KLF12: variants seen among roughly 807,000 people sequenced by gnomAD.
The protein encoded by KLF12 is Krueppel-like factor 12.
In KLF12, 9 loss-of-function variants were observed where a neutral mutation model predicts 37.8. The ratio of observed to expected loss-of-function variants is 0.24; its 90% CI spans 0.14 to 0.42. The LOEUF is 0.42. Ranked by LOEUF, KLF12 falls within the 10% of genes least tolerant of loss-of-function variation. The pLI is 1.00. For synonymous variants in KLF12, 208 were observed against 202.1 expected (o/e 1.03, Z -0.25); for missense variants, 411 against 516.0 (o/e 0.80, Z 1.97).
intron 3 of KLF12, among the ~76,000 whole-genome samples, chr13:73,912,077 C>G (rs917486038): frequency 2.6e-5 from 4 of 152,188 alleles, no homozygotes; most frequent in African/African-American, 9.7e-5. Context: ...TTCCACACAG[C>G]TTCTCAGGAA....
the KLF12 span, among the ~76,000 whole-genome samples, chr13:74,272,664 G>C: frequency 6.6e-6 from 1 of 152,066 alleles, no homozygotes; most frequent in Non-Finnish European, 1.5e-5. Flanking sequence ...AAAGAAACAA[G>C]AATAAACTCT....
intron 1 of KLF12, among the ~76,000 whole-genome samples, chr13:74,002,718 C>T (rs1233334110): frequency 1.3e-5 from 2 of 152,190 alleles, no homozygotes; most frequent in South Asian, 2.1e-4. Context: ...TGGAAAAATA[C>T]TAAAATTGAA....
At position 73,686,548 on chromosome 13, in the gene KLF12, A is replaced by G. The variant is rs1195450404; in HGVS notation, c.*8942T>C. 6.6e-6 allele frequency: 1 copy of G among 152,662 alleles called. No homozygotes were observed. The highest frequency in any genetic ancestry group is 2.4e-5 in the African/African-American group (1 of 41,466). 9.5% of individuals were successfully genotyped at this position (152,662 alleles called of 1,614,324 possible). A position where few individuals can be genotyped will look rare whatever the true frequency, so the allele number is the denominator to read the frequency against. On this transcript the variant is annotated 3_prime_UTR_variant, in exon 8 of 8. Coordinates refer to ENST00000377669, the MANE Select transcript of KLF12 (RefSeq NM_007249.5). ...AATTAGGTCTTTAGATAAACTGGAG[A>G]AATAAATTCATTTGCAATTAAAATC...
chr13:73,902,137 A>G (rs747009068), intron 3 of KLF12, among the ~76,000 whole-genome samples: 7 of 152,352 alleles, frequency 4.6e-5, no homozygotes, highest in East Asian at 3.9e-4. Flanking sequence ...GAAAAGAACA[A>G]AAGTGTAATT....
intron 1 of KLF12, among the ~76,000 whole-genome samples, chr13:74,058,800 T>C (rs1369725708): frequency 6.6e-6 from 1 of 152,160 alleles, no homozygotes; most frequent in African/African-American, 2.4e-5. Flanking sequence ...ATTTTCTACT[T>C]ATTTGATTTG....
chr13:74,158,558 A>T, the KLF12 span, among the ~76,000 whole-genome samples: 3 of 152,164 alleles, frequency 2.0e-5, no homozygotes, highest in African/African-American at 7.2e-5. Context: ...AAAGAAAGGG[A>T]TCAAAACAAG....
chr13:73,712,389 G>A (rs1875474611), intron 7 of KLF12, among the ~76,000 whole-genome samples: 1 of 146,420 alleles, frequency 6.8e-6, no homozygotes. Flanking sequence ...AGATGTGACT[G>A]AATTCCTGCA....
intron 3 of KLF12, among the ~76,000 whole-genome samples, chr13:73,939,997 T>C (rs1218731995): frequency 6.6e-6 from 1 of 152,154 alleles, no homozygotes; most frequent in African/African-American, 2.4e-5. Flanking sequence ...GATGAGGGCA[T>C]AGAGGCCTGG....
chr13:73,901,249 G>A (rs547621787), intron 3 of KLF12, among the ~76,000 whole-genome samples: 4 of 152,196 alleles, frequency 2.6e-5, no homozygotes, highest in African/African-American at 9.6e-5. Flanking sequence ...CTTCAAAGCT[G>A]GGCTAAACAA....
intron 3 of KLF12, among the ~76,000 whole-genome samples, chr13:73,862,311 C>T (rs1037161921): frequency 6.6e-6 from 1 of 152,112 alleles, no homozygotes; most frequent in Non-Finnish European, 1.5e-5. Context: ...TTGTTTATTC[C>T]TCACAACATC....
chr13:73,900,631 TA>T (rs35378067), intron 3 of KLF12, among the ~76,000 whole-genome samples: 394 of 147,942 alleles, frequency 2.7e-3, no homozygotes, highest in African/African-American at 7.6e-3. Context: ...TTCTCTCATT[TA>T]AAAAAAAAAA....
chr13:74,197,160 AAAT>A, the KLF12 span, among the ~76,000 whole-genome samples: 6 of 152,208 alleles, frequency 3.9e-5, no homozygotes, highest in African/African-American at 1.2e-4. Flanking sequence ...ATTGAAATAA[AAAT>A]AATAACTAGA....
the KLF12 span, among the ~76,000 whole-genome samples, chr13:74,173,851 T>C: frequency 2.0e-5 from 3 of 152,182 alleles, no homozygotes; most frequent in Middle Eastern, 3.2e-3. Context: ...TTATATCCAG[T>C]TGGTGGGAGT....
chr13:74,205,415 A>G, the KLF12 span, among the ~76,000 whole-genome samples: 4 of 152,160 alleles, frequency 2.6e-5, no homozygotes, highest in African/African-American at 4.8e-5. Flanking sequence ...AGGATATGCT[A>G]AGATGGAGTT....
the KLF12 span, among the ~76,000 whole-genome samples, chr13:74,234,559 A>G: frequency 1.3e-5 from 2 of 152,212 alleles, no homozygotes; most frequent in Non-Finnish European, 2.9e-5. Flanking sequence ...GCTACACTTA[A>G]AAGCTGTCCA....
intron 1 of KLF12, among the ~76,000 whole-genome samples, chr13:74,043,180 G>GT (rs1489486693): frequency 2.0e-5 from 3 of 152,170 alleles, no homozygotes; most frequent in Non-Finnish European, 4.4e-5. Flanking sequence ...TGAAGCTTGC[G>GT]TAAGTATCCC....
chr13:74,181,854 T>C, the KLF12 span, among the ~76,000 whole-genome samples: 1 of 152,150 alleles, frequency 6.6e-6, no homozygotes, highest in Admixed American at 6.5e-5. Flanking sequence ...ATGAATTTGG[T>C]ATTAGATGAT....
chr13:74,163,890 A>G, the KLF12 span, among the ~76,000 whole-genome samples: 2 of 90,492 alleles, frequency 2.2e-5, no homozygotes, highest in Non-Finnish European at 5.3e-5. Flanking sequence ...AAAATAATTT[A>G]AAAATTAAAA....
chr13:74,271,479 C>G, the KLF12 span, among the ~76,000 whole-genome samples: 2 of 152,036 alleles, frequency 1.3e-5, no homozygotes, highest in Non-Finnish European at 2.9e-5. Context: ...TATATCATAG[C>G]AGAAGACATT....
Sources: allele counts gnomAD v4.1 joint callset (sites outside exome capture counted in the v4.1 genomes callset), GRCh38; gene constraint gnomAD v4.1.1; transcripts MANE v1.5; gene names NCBI Gene and HGNC (gene_info 2026-07-23, HGNC 2026-07-21).